CEP63: variants seen among roughly 807,000 people sequenced by gnomAD.
CEP63 encodes the protein centrosomal protein of 63 kDa.
CEP63 carries 84 observed loss-of-function variants against 89.1 expected under a neutral mutation model. The observed-to-expected ratio is 0.94, with a 90% CI of 0.79 to 1.13. The LOEUF is 1.13. Ranked by LOEUF, CEP63 falls within the 50% of genes most tolerant of loss-of-function variation. The probability of loss-of-function intolerance (pLI) is 0.00; values close to 1 mark genes in which losing one functional copy is unlikely to be tolerated. For synonymous variants in CEP63, 267 were observed against 272.5 expected (o/e 0.98, Z 0.20); for missense variants, 838 against 813.3 (o/e 1.03, Z -0.37).
At chr3:134,726,292 G>A in the CEP63 span, among the ~76,000 whole-genome samples, 6 of 152,094 alleles carry the variant, frequency 3.9e-5, no homozygotes, top group Non-Finnish European at 8.8e-5. Flanking sequence ...AAACCTTTCT[G>A]GGCGCCACCA....
At chr3:134,595,248 T>C in the CEP63 span, among the ~76,000 whole-genome samples, 1 of 152,176 alleles carries the variant, frequency 6.6e-6, no homozygotes, top group Admixed American at 6.5e-5. Flanking sequence ...ATAAGGGGTG[T>C]TTCCCCCTTT....
At chr3:134,555,756 A>T (rs1956019477) in intron 12 of CEP63, among the ~76,000 whole-genome samples, 1 of 150,952 alleles carries the variant, frequency 6.6e-6, no homozygotes, top group East Asian at 1.9e-4. Flanking sequence ...CTTTCTTCAC[A>T]GAATTGGAAA....
At chr3:134,760,568 G>A in the CEP63 span, among the ~76,000 whole-genome samples, 1 of 152,120 alleles carries the variant, frequency 6.6e-6, no homozygotes, top group Non-Finnish European at 1.5e-5. Context: ...TAGAAGAAAG[G>A]GTTACCATTT....
the CEP63 span, chr3:134,651,092 G>A: frequency 3.9e-6 from 6 of 1,526,010 alleles, no homozygotes; most frequent in African/African-American, 1.4e-5. Context: ...CCCCGCCGCT[G>A]GAGCCGCAGG....
chr3:134,651,535 C>T, the CEP63 span: 1 of 993,394 alleles, frequency 1.0e-6, no homozygotes, highest in Non-Finnish European at 1.2e-6. Flanking sequence ...TGGCCTCGAC[C>T]TCACTCCTTC....
intron 12 of CEP63, among the ~76,000 whole-genome samples, chr3:134,557,174 A>G (rs1956336074): frequency 6.6e-6 from 1 of 152,112 alleles, no homozygotes; most frequent in Admixed American, 6.6e-5. Context: ...TTAAAAACCG[A>G]TAATAGTTTC....
the CEP63 span, among the ~76,000 whole-genome samples, chr3:134,721,592 A>T: frequency 1.3e-5 from 2 of 152,230 alleles, no homozygotes; most frequent in East Asian, 3.9e-4. Context: ...GTATGATGCT[A>T]GCTGTGGATT....
At chr3:134,610,401 G>T in the CEP63 span, 1 of 1,600,024 alleles carries the variant, frequency 6.2e-7, no homozygotes, top group South Asian at 1.1e-5. Context: ...CAGGACAGGG[G>T]GTCTGAGAGG....
At chr3:134,607,358 TGCTCCCC>T in the CEP63 span, 1 of 985,430 alleles carries the variant, frequency 1.0e-6, no homozygotes, top group East Asian at 1.1e-4. Flanking sequence ...GGGACACCTG[TGCTCCCC>T]GCTGCCCCAT....
intron 3 of CEP63, among the ~76,000 whole-genome samples, chr3:134,516,401 G>A (rs1462428730): frequency 6.6e-6 from 1 of 152,126 alleles, no homozygotes; most frequent in Non-Finnish European, 1.5e-5. Flanking sequence ...GGATGGGCAG[G>A]AGACAGATGC....
At chr3:134,666,005 C>G in the CEP63 span, among the ~76,000 whole-genome samples, 2 of 151,628 alleles carry the variant, frequency 1.3e-5, no homozygotes, top group Non-Finnish European at 2.9e-5. Context: ...ATGAAGGGAA[C>G]CAAAGGGATC....
intron 3 of CEP63, among the ~76,000 whole-genome samples, chr3:134,513,250 A>G (rs527559653): frequency 2.0e-4 from 31 of 152,028 alleles, no homozygotes; most frequent in Non-Finnish European, 2.2e-4. Context: ...TTACATTTCT[A>G]TTTTGATAGA....
the CEP63 span, chr3:134,600,956 A>G: frequency 6.6e-6 from 1 of 152,242 alleles, no homozygotes; most frequent in Non-Finnish European, 1.5e-5. Flanking sequence ...AGTTCTGCGA[A>G]AAAGCCCGGT....
chr3:134,668,898 C>T, the CEP63 span, among the ~76,000 whole-genome samples: 1 of 152,186 alleles, frequency 6.6e-6, no homozygotes, highest in Non-Finnish European at 1.5e-5. Context: ...CCCCAACCCT[C>T]AAAGAACTCG....
At position 134,549,329 on chromosome 3, in the gene CEP63, T is replaced by A. The variant is rs142985142; in HGVS notation, c.1182+153T>A. Among the ~76,000 whole-genome samples, 628 of 152,298 alleles carry A rather than the reference T, an allele frequency of 4.1e-3. 3 individuals carry two copies. Among genetic ancestry groups the A allele is most frequent in the African/African-American group, 0.014 (600 of 41,568 alleles). On this transcript the variant is annotated intron_variant, in intron 10 of 14. Coordinates refer to ENST00000675561, the MANE Select transcript of CEP63 (RefSeq NM_001353108.3). ...AGTGGAAGAGTTTGTGGAATGTGCA[T>A]AGGGAAAGTGCCTTCTTTCTTTGGC...
At chr3:134,771,920 C>G in the CEP63 span, among the ~76,000 whole-genome samples, 4 of 152,176 alleles carry the variant, frequency 2.6e-5, no homozygotes, top group Non-Finnish European at 4.4e-5. Context: ...GTCCACTGAC[C>G]CTTGAGAAAT....
the CEP63 span, among the ~76,000 whole-genome samples, chr3:134,762,296 G>A: frequency 5.3e-5 from 8 of 152,238 alleles, 1 homozygote; most frequent in South Asian, 8.3e-4. Context: ...TATGAAGTGT[G>A]AGAATTTCTC....
At chr3:134,677,867 A>G in the CEP63 span, among the ~76,000 whole-genome samples, 3 of 151,974 alleles carry the variant, frequency 2.0e-5, no homozygotes, top group East Asian at 5.8e-4. Flanking sequence ...TCACCAAGTC[A>G]CGCCGTGTCC....
chr3:134,662,627 A>G, the CEP63 span, among the ~76,000 whole-genome samples: 2 of 152,240 alleles, frequency 1.3e-5, no homozygotes, highest in Admixed American at 6.5e-5. Flanking sequence ...GCTATTCAGC[A>G]TGAATAAAAC....
Sources: allele counts gnomAD v4.1 joint callset (sites outside exome capture counted in the v4.1 genomes callset), GRCh38; gene constraint gnomAD v4.1.1; transcripts MANE v1.5; gene names NCBI Gene and HGNC (gene_info 2026-07-23, HGNC 2026-07-21).